ITFG1: variants seen among roughly 807,000 people sequenced by gnomAD.
ITFG1 encodes the protein T-cell immunomodulatory protein.
Under a neutral mutation model 81.8 loss-of-function variants are expected in ITFG1, and 34 were observed. The observed-to-expected ratio is 0.42, with a 90% CI of 0.32 to 0.55. The LOEUF (loss-of-function observed/expected upper bound fraction) is 0.55, where lower values mean the gene tolerates loss of function less well. Among genes scored for constraint, ITFG1 ranks in the 20% least tolerant of loss-of-function variants. The pLI, the probability that ITFG1 is intolerant of heterozygous loss-of-function variation, is 0.17. For synonymous variants in ITFG1, 285 were observed against 270.6 expected, an observed-to-expected ratio of 1.05 and a Z score of -0.52; for missense variants, 672 against 755.4, an observed-to-expected ratio of 0.89 and a Z score of 1.29.
In ITFG1 at chr16:47,461,006, A is replaced by G. The variant is rs1969532656; in HGVS notation, c.40T>C (p.Phe14Leu). ...AGRLPSSWALFSPLLAGLALL... is the reference protein window; with the variant it reads ...AGRLPSSWALLSPLLAGLALL... ...GCAAGCCCTGCGAGGAGCGGCGAGA[A>G]GAGGGCCCAGGAGCTCGGGAGCCGG... The change falls in exon 1 of 18, where the codon TTC becomes CTC. Residue 14 changes from phenylalanine to leucine, a missense_variant. Around this residue, in one of 3 missense-constraint regions of ITFG1, gnomAD observed 47 missense variants for 26.4 expected, o/e 1.78. Transcript: ENST00000320640. 1 of 1,560,226 alleles carries G rather than the reference A, an allele frequency of 6.4e-7. No individual in the cohort carries two copies. The highest frequency in any genetic ancestry group is 1.4e-5 in the African/African-American group (1 of 73,486).
intron 8 of ITFG1, among the ~76,000 whole-genome samples, chr16:47,363,289 A>T (rs1235770466): frequency 2.0e-5 from 3 of 152,118 alleles, no homozygotes; most frequent in Non-Finnish European, 4.4e-5. Context: ...TAGAAGTTTA[A>T]TTTTTTTCAG....
At chr16:47,376,833 ATGG>A (rs1286359769) in intron 6 of ITFG1, among the ~76,000 whole-genome samples, 1 of 151,862 alleles carries the variant, frequency 6.6e-6, no homozygotes, top group Admixed American at 6.6e-5. Context: ...GCTGGGTGTG[ATGG>A]TGCGCACCTG....
chr16:47,256,177 C>T (rs1388900418), intron 12 of ITFG1, among the ~76,000 whole-genome samples: 1 of 152,116 alleles, frequency 6.6e-6, no homozygotes, highest in Non-Finnish European at 1.5e-5. Context: ...GTTGGCTGGT[C>T]TGGTCTTCAA....
At chr16:47,160,361 C>T (rs755299037) in intron 16 of ITFG1, among the ~76,000 whole-genome samples, 5 of 151,972 alleles carry the variant, frequency 3.3e-5, no homozygotes, top group Non-Finnish European at 7.4e-5. Flanking sequence ...TACTCTTCTA[C>T]ATTTTGCTGT....
chr16:47,218,801 A>G, intron 14 of ITFG1, 67 bp downstream of exon 14: 1 of 906,710 alleles, frequency 1.1e-6, no homozygotes, highest in Non-Finnish European at 1.7e-6. Flanking sequence ...TTTTTCCACC[A>G]GTTTACCTTG....
At chr16:47,365,934 A>T in intron 7 of ITFG1, 65 bp from the exon 8 acceptor site, 1 of 855,724 alleles carries the variant, frequency 1.2e-6, no homozygotes, top group African/African-American at 1.7e-5. Flanking sequence ...GTGTAAAACA[A>T]AGCATTCTAA....
chr16:47,167,610 G>T (rs9921947), intron 14 of ITFG1, among the ~76,000 whole-genome samples: 17,917 of 151,716 alleles, frequency 0.12, 2,278 homozygotes, highest in African/African-American at 0.32. Flanking sequence ...CCTACCCAAA[G>T]CTTATAAAAC....
intron 14 of ITFG1, among the ~76,000 whole-genome samples, chr16:47,195,125 T>TATA (rs1323178031): frequency 6.6e-6 from 1 of 152,204 alleles, no homozygotes; most frequent in African/African-American, 2.4e-5. Context: ...GATTTGTCCT[T>TATA]ATAAGTTTCT....
chr16:47,216,694 C>T (rs925108999), intron 14 of ITFG1, among the ~76,000 whole-genome samples: 3 of 151,750 alleles, frequency 2.0e-5, no homozygotes, highest in Non-Finnish European at 2.9e-5. Context: ...GACAGTCTTA[C>T]TCCTTCACCA....
rs141209806 is a variant in ITFG1, at chr16:47,241,678, G to A, written c.1331-3670C>T. ...GGGACTAAGAGTGACAGACAAGGCC[G>A]GGCGCGGTGGCTCATGCCTGTAATC... On this transcript the variant is annotated intron_variant, in intron 12 of 17. Transcript: ENST00000320640. Among the ~76,000 whole-genome samples, 207 of 152,196 alleles carry A rather than the reference G, an allele frequency of 1.4e-3. 1 individual carries two copies. The highest frequency in any genetic ancestry group is 3.9e-3 in the Admixed American group (60 of 15,290).
At chr16:47,333,648 G>A (rs1967664945) in intron 8 of ITFG1, among the ~76,000 whole-genome samples, 1 of 152,170 alleles carries the variant, frequency 6.6e-6, no homozygotes, top group African/African-American at 2.4e-5. Flanking sequence ...TTGGTAAGCA[G>A]TAGAGCTGGG....
intron 12 of ITFG1, among the ~76,000 whole-genome samples, chr16:47,250,101 C>G (rs1408181550): frequency 6.6e-6 from 1 of 152,132 alleles, no homozygotes; most frequent in Admixed American, 6.5e-5. Context: ...TTAAAAATTA[C>G]TCAAGCTTTG....
chr16:47,230,970 A>G (rs1965811116), intron 13 of ITFG1, among the ~76,000 whole-genome samples: 1 of 152,054 alleles, frequency 6.6e-6, no homozygotes, highest in African/African-American at 2.4e-5. Context: ...GGATGGTCTT[A>G]ATCTCCTGAC....
intron 7 of ITFG1, among the ~76,000 whole-genome samples, chr16:47,374,292 C>T (rs979902750): frequency 3.9e-5 from 6 of 152,122 alleles, no homozygotes; most frequent in African/African-American, 1.4e-4. Context: ...AGAAGAAAAA[C>T]CCTTAGTCCC....
intron 8 of ITFG1, among the ~76,000 whole-genome samples, chr16:47,349,740 A>G (rs1967921244): frequency 6.6e-6 from 1 of 152,224 alleles, no homozygotes; most frequent in African/African-American, 2.4e-5. Context: ...TCTCTACCCC[A>G]AATCAACAGA....
intron 10 of ITFG1, among the ~76,000 whole-genome samples, chr16:47,296,844 T>C (rs955507481): frequency 2.6e-5 from 4 of 152,242 alleles, no homozygotes; most frequent in African/African-American, 9.6e-5. Context: ...TTTTGAGACT[T>C]GCTTTGTGGT....
chr16:47,186,127 C>A (rs1263791916), intron 14 of ITFG1, among the ~76,000 whole-genome samples: 1 of 151,714 alleles, frequency 6.6e-6, no homozygotes, highest in East Asian at 1.9e-4. Flanking sequence ...AATAGCTTAC[C>A]AACCAAAAAG....
chr16:47,181,183 C>T (rs960769762), intron 14 of ITFG1, among the ~76,000 whole-genome samples: 89 of 150,936 alleles, frequency 5.9e-4, no homozygotes, highest in Non-Finnish European at 1.1e-3. Flanking sequence ...CGCCTCTGCC[C>T]GGCCGCCCCA....
intron 14 of ITFG1, among the ~76,000 whole-genome samples, chr16:47,214,145 C>T (rs1280508918): frequency 6.6e-6 from 1 of 152,124 alleles, no homozygotes; most frequent in Non-Finnish European, 1.5e-5. Context: ...TGGGGTAAAA[C>T]CCTACATATC....
Sources: gnomAD v4.1 joint callset for allele counts (sites outside exome capture counted in the v4.1 genomes callset) on GRCh38, gnomAD v4.1.1 for gene constraint, gnomAD v4.1.1 regional missense constraint, MANE v1.5 for transcripts, NCBI Gene and HGNC (gene_info 2026-07-23, HGNC 2026-07-21) for gene names.